SMAD6: variants seen among roughly 807,000 people sequenced by gnomAD.
The protein encoded by SMAD6 is MAD homolog 6.
A neutral mutation model predicts 39.4 loss-of-function variants in SMAD6; 103 were observed. That is an observed-to-expected ratio of 2.62 (90% CI 2.23 to 3.08). The LOEUF (loss-of-function observed/expected upper bound fraction) is 3.08, where lower values mean the gene tolerates loss of function less well. Ranked by LOEUF, SMAD6 falls within the 30% of genes most tolerant of loss-of-function variation. The probability of loss-of-function intolerance (pLI) is 0.00; values close to 1 mark genes in which losing one functional copy is unlikely to be tolerated. For synonymous variants in SMAD6, 445 were observed against 353.3 expected (o/e 1.26, Z -2.91); for missense variants, 1,104 against 742.9 (o/e 1.49, Z -5.65).
In SMAD6 at chr15:66,782,339, A is replaced by G. The variant is rs1283962076; in HGVS notation, c.*804A>G. On this transcript the variant is annotated 3_prime_UTR_variant, in exon 4 of 4. Coordinates refer to ENST00000288840, the MANE Select transcript of SMAD6 (RefSeq NM_005585.5). ...CCATGCCCCCCATCTTTGAGTTATG[A>G]GCAAGCTAAAAGAAGACACTATTTC... The G allele has an allele frequency of 2.5e-5, 4 of 160,104 alleles. No individual in the cohort carries two copies. Among genetic ancestry groups the G allele is most frequent in the African/African-American group, 9.6e-5 (4 of 41,820 alleles). 9.9% of individuals were successfully genotyped at this position (160,104 alleles called of 1,614,324 possible).
At chr15:66,723,504 C>G (rs1209215161) in intron 3 of SMAD6, among the ~76,000 whole-genome samples, 2 of 151,970 alleles carry the variant, frequency 1.3e-5, no homozygotes, top group African/African-American at 2.4e-5. Context: ...ATAGCAAGAC[C>G]CCTACCTCTT....
At chr15:66,711,790 G>A in intron 2 of SMAD6, 66 bp downstream of exon 2, 1 of 1,323,996 alleles carries the variant, frequency 7.6e-7, no homozygotes. Context: ...TCAGCCCAGT[G>A]TCTGTCCAGC....
intron 3 of SMAD6, among the ~76,000 whole-genome samples, chr15:66,773,524 T>A (rs1251674210): frequency 3.9e-5 from 6 of 152,198 alleles, no homozygotes; most frequent in Non-Finnish European, 7.3e-5. Flanking sequence ...CCCTCTAAGT[T>A]TGATAACAAA....
chr15:66,755,897 T>C (rs1894088821), intron 3 of SMAD6, among the ~76,000 whole-genome samples: 1 of 152,178 alleles, frequency 6.6e-6, no homozygotes, highest in South Asian at 2.1e-4. Context: ...TCCTCTTCTC[T>C]GGGCTGAGCT....
intron 3 of SMAD6, among the ~76,000 whole-genome samples, chr15:66,759,192 C>G (rs1398433379): frequency 6.6e-6 from 1 of 152,138 alleles, no homozygotes; most frequent in Non-Finnish European, 1.5e-5. Flanking sequence ...GTATAATAAT[C>G]AATAATCTTT....
At chr15:66,739,753 A>G (rs1893780147) in intron 3 of SMAD6, among the ~76,000 whole-genome samples, 1 of 152,240 alleles carries the variant, frequency 6.6e-6, no homozygotes, top group South Asian at 2.1e-4. Context: ...CTGACTGTCC[A>G]GAGATAACCA....
chr15:66,762,113 T>G (rs1464026351), intron 3 of SMAD6, among the ~76,000 whole-genome samples: 2 of 152,130 alleles, frequency 1.3e-5, no homozygotes. Flanking sequence ...TATTTTGATG[T>G]GAGAGAAAAA....
intron 3 of SMAD6, among the ~76,000 whole-genome samples, chr15:66,760,086 C>T (rs1894171833): frequency 1.3e-5 from 2 of 152,052 alleles, no homozygotes; most frequent in Non-Finnish European, 2.9e-5. Flanking sequence ...GCCGCTTTTC[C>T]TCCCCATCCC....
chr15:66,745,264 G>A (rs945103338), intron 3 of SMAD6, among the ~76,000 whole-genome samples: 1 of 152,156 alleles, frequency 6.6e-6, no homozygotes, highest in Non-Finnish European at 1.5e-5. Flanking sequence ...AAAATCCGGA[G>A]TTCTAGCTGA....
At chr15:66,753,901 C>A (rs577450766) in intron 3 of SMAD6, among the ~76,000 whole-genome samples, 32 of 152,176 alleles carry the variant, frequency 2.1e-4, no homozygotes, top group Non-Finnish European at 4.4e-4. Context: ...CCTGGCATTG[C>A]CTGCCCTCGG....
Position 66,710,782 on chromosome 15 carries a change from C to CAAGTG in SMAD6, c.818-884_818-883insGTGAA, listed in dbSNP as rs749239013. Among the ~76,000 whole-genome samples the CAAGTG allele has an allele frequency of 1.3e-3, 144 of 112,240 alleles. 1 individual carries two copies. The highest frequency in any genetic ancestry group is 2.1e-3 in the Non-Finnish European group (106 of 51,076). The allele number at this position is 112,240 out of a possible 152,430, so 73.6% of individuals were successfully genotyped here. A position where few individuals can be genotyped will look rare whatever the true frequency, so the allele number is the denominator to read the frequency against. On this transcript the variant is annotated intron_variant, in intron 1 of 3. Coordinates refer to ENST00000288840, the MANE Select transcript of SMAD6 (RefSeq NM_005585.5). ...TGTTTTTAAGGAGAAGTATTTTAGG[C>CAAGTG]AAATGAAACCCAAAGAAAAATATCA...
chr15:66,759,445 T>C (rs1894161320), intron 3 of SMAD6, among the ~76,000 whole-genome samples: 1 of 152,200 alleles, frequency 6.6e-6, no homozygotes, highest in Admixed American at 6.5e-5. Flanking sequence ...ATGAATTCTA[T>C]AGCGATGAAT....
chr15:66,731,176 T>C (rs6494596), intron 3 of SMAD6, among the ~76,000 whole-genome samples: 118,578 of 151,982 alleles, frequency 0.78, 46,661 homozygotes, highest in East Asian at 0.95. Context: ...CGGTGGCTCA[T>C]GCCTGTTATC....
At chr15:66,738,405 G>A (rs184577482) in intron 3 of SMAD6, among the ~76,000 whole-genome samples, 9 of 152,330 alleles carry the variant, frequency 5.9e-5, no homozygotes, top group South Asian at 2.1e-4. Context: ...GAATCTGTTC[G>A]TGTCACTGTG....
intron 1 of SMAD6, chr15:66,704,508 A>C: frequency 6.3e-6 from 1 of 159,478 alleles, no homozygotes. Context: ...GTGCTTTTCT[A>C]TGTCCAAGTA....
At chr15:66,750,601 A>G (rs1158146214) in intron 3 of SMAD6, among the ~76,000 whole-genome samples, 1 of 142,964 alleles carries the variant, frequency 7.0e-6, no homozygotes, top group Non-Finnish European at 1.5e-5. Context: ...CCTCGCACCA[A>G]AAATTCAAGT....
Position 66,703,169 on chromosome 15 carries a change from C to A in SMAD6, c.-90C>A. The A allele has an allele frequency of 9.8e-7, 1 of 1,016,978 alleles. No homozygotes were observed. Among genetic ancestry groups the A allele is most frequent in the Non-Finnish European group, 1.3e-6 (1 of 757,892 alleles). 63.0% of individuals were successfully genotyped at this position (1,016,978 alleles called of 1,614,324 possible). A position where few individuals can be genotyped will look rare whatever the true frequency, so the allele number is the denominator to read the frequency against. ...CGCGGCGGAGCTTCATGTGGGGCTG[C>A]GACCCGCGCAGCCGGCGCCTCGCTG... On this transcript the variant is annotated 5_prime_UTR_variant, in exon 1 of 4. It introduces an in-frame stop codon into an upstream open reading frame of the 5' UTR. Coordinates refer to ENST00000288840, the MANE Select transcript of SMAD6 (RefSeq NM_005585.5).
intron 3 of SMAD6, among the ~76,000 whole-genome samples, chr15:66,775,326 G>A (rs550741664): frequency 8.5e-5 from 13 of 152,288 alleles, no homozygotes; most frequent in African/African-American, 2.9e-4. Context: ...TTTTCTTGGT[G>A]AGTAGTGTTC....
At chr15:66,716,331 C>A in intron 2 of SMAD6, 90 bp from the exon 3 acceptor site, 1 of 906,216 alleles carries the variant, frequency 1.1e-6, no homozygotes, top group Non-Finnish European at 1.8e-6. Context: ...CATCCACACA[C>A]GTGCACATGT....
Sources: gnomAD v4.1 joint callset for allele counts (sites outside exome capture counted in the v4.1 genomes callset) on GRCh38, gnomAD v4.1.1 for gene constraint, MANE v1.5 for transcripts, NCBI Gene and HGNC (gene_info 2026-07-23, HGNC 2026-07-21) for gene names.